The following ANK3 variants were observed in gnomAD, a reference collection of about 807,000 sequenced individuals.
The protein encoded by ANK3 is ankyrin-3.
In ANK3, 57 loss-of-function variants were observed where a neutral mutation model predicts 370.9. The ratio of observed to expected loss-of-function variants is 0.15; its 90% CI spans 0.12 to 0.19. ANK3 has a LOEUF of 0.19. ANK3 is among the 10% of genes least tolerant of loss of function. The pLI, the probability that ANK3 is intolerant of heterozygous loss-of-function variation, is 1.00. For missense variants in ANK3, 4,439 were observed against 5,302.1 expected (o/e 0.84, Z 5.06); for synonymous variants, 1,929 against 1,946.3 (o/e 0.99, Z 0.23).
intron 2 of ANK3, among the ~76,000 whole-genome samples, chr10:60,575,456 A>T (rs926681988): frequency 6.6e-6 from 1 of 152,216 alleles, no homozygotes; most frequent in African/African-American, 2.4e-5. Context: ...ATATTTCAAG[A>T]TGTCACATTG....
chr10:60,702,322 G>A (rs1461666814), intron 1 of ANK3, among the ~76,000 whole-genome samples: 1 of 151,796 alleles, frequency 6.6e-6, no homozygotes, highest in African/African-American at 2.4e-5. Context: ...GAGGGACTAT[G>A]CCAAATGACC....
chr10:60,378,938 G>A (rs923805337), intron 1 of ANK3, among the ~76,000 whole-genome samples: 2 of 151,820 alleles, frequency 1.3e-5, no homozygotes, highest in African/African-American at 4.8e-5. Context: ...CAGAATGGGA[G>A]AAAATATTTG....
Position 60,319,764 on chromosome 10 carries a change from T to TA in ANK3, c.115-40126dup, listed in dbSNP as rs374426746. Among the ~76,000 whole-genome samples, 891 of 152,022 alleles carry TA rather than the reference T, an allele frequency of 5.9e-3. 7 individuals carry two copies. Among genetic ancestry groups the TA allele is most frequent in the African/African-American group, 0.021 (852 of 41,466 alleles). On this transcript the variant is annotated intron_variant, in intron 1 of 43. Coordinates refer to ENST00000280772, the MANE Select transcript of ANK3 (RefSeq NM_020987.5). The stretch of plus-strand genomic sequence containing the variant: ...TTGGCCACAAAAATCTAACAAAATG[T>TA]AAAAAAAAGTTACAGTATATTGATT...
chr10:60,559,235 C>T (rs958960835), intron 2 of ANK3, among the ~76,000 whole-genome samples: 1 of 152,104 alleles, frequency 6.6e-6, no homozygotes, highest in East Asian at 1.9e-4. Context: ...ACACTGTACC[C>T]ATTGTATAGT....
chr10:60,200,427 C>T (rs886575709), intron 12 of ANK3, among the ~76,000 whole-genome samples, 200 bp from the exon 13 acceptor site: 10 of 152,310 alleles, frequency 6.6e-5, no homozygotes, highest in Admixed American at 6.5e-4. Flanking sequence ...GCATAAGCCT[C>T]GGGAGTCTTG....
At chr10:60,388,669 T>C (rs2062770972) in intron 1 of ANK3, among the ~76,000 whole-genome samples, 1 of 152,130 alleles carries the variant, frequency 6.6e-6, no homozygotes, top group African/African-American at 2.4e-5. Flanking sequence ...ATTTTCCCCC[T>C]GCCTTGGAAT....
intron 7 of ANK3, among the ~76,000 whole-genome samples, chr10:60,255,828 C>T (rs2097726668): frequency 6.6e-6 from 1 of 152,124 alleles, no homozygotes; most frequent in African/African-American, 2.4e-5. Flanking sequence ...AAGCTAGTTC[C>T]CCAGGTTAGT....
At chr10:60,367,101 T>C (rs1277466253) in intron 1 of ANK3, among the ~76,000 whole-genome samples, 2 of 152,204 alleles carry the variant, frequency 1.3e-5, no homozygotes, top group Non-Finnish European at 2.9e-5. Flanking sequence ...GAGGCAGAAA[T>C]ACCACAAACA....
At chr10:60,089,941 G>A (rs1412934079) in intron 28 of ANK3, among the ~76,000 whole-genome samples, 2 of 151,924 alleles carry the variant, frequency 1.3e-5, no homozygotes, top group Non-Finnish European at 2.9e-5. Flanking sequence ...TTACATAATA[G>A]GAAATCTATT....
At position 60,639,515 on chromosome 10, in the gene ANK3, T is replaced by C. The variant is rs566434011; in HGVS notation, c.58-24291A>G. ...TTACTTTTTAATGTAAAAATAACAATTACATATTATGGTGTTTATAACATG... is the reference window on the plus strand; with the variant it reads ...TTACTTTTTAATGTAAAAATAACAACTACATATTATGGTGTTTATAACATG... On this transcript the variant is annotated intron_variant, in intron 1 of 43. Coordinates refer to the ANK3 transcript ENST00000373827. Among the ~76,000 whole-genome samples, 44 of 151,716 alleles carry C rather than the reference T, an allele frequency of 2.9e-4. No individual in the cohort carries two copies. In the South Asian group the frequency reaches 8.7e-3, roughly 30 times the overall value.
At chr10:60,053,696 A>G in intron 42 of ANK3, 1 of 1,304,036 alleles carries the variant, frequency 7.7e-7, no homozygotes, top group Non-Finnish European at 1.0e-6. Context: ...GCAGGCAGTC[A>G]TCCGTGTAGG....
intron 25 of ANK3, among the ~76,000 whole-genome samples, chr10:60,126,687 CA>C (rs34822081): frequency 0.32 from 39,342 of 124,842 alleles, 5,701 homozygotes; most frequent in Non-Finnish European, 0.38. Flanking sequence ...GACTCCGTCT[CA>C]AAAAAAAAAA....
At chr10:60,348,171 C>T (rs1364741606) in intron 1 of ANK3, among the ~76,000 whole-genome samples, 2 of 152,028 alleles carry the variant, frequency 1.3e-5, no homozygotes, top group African/African-American at 4.8e-5. Flanking sequence ...AAGGAGGCTC[C>T]TCCATCTTGC....
At chr10:60,257,770 C>T (rs1038084006) in intron 7 of ANK3, among the ~76,000 whole-genome samples, 3 of 152,152 alleles carry the variant, frequency 2.0e-5, no homozygotes, top group Non-Finnish European at 4.4e-5. Context: ...CTGTAAACCA[C>T]CCGAAATCTT....
At chr10:60,130,499 C>T (rs2094001638) in intron 25 of ANK3, among the ~76,000 whole-genome samples, 1 of 152,170 alleles carries the variant, frequency 6.6e-6, no homozygotes. Flanking sequence ...TTAAATCTGA[C>T]AGTAAGTTAT....
chr10:60,135,381 G>T (rs1326943512), intron 24 of ANK3, among the ~76,000 whole-genome samples: 1 of 152,192 alleles, frequency 6.6e-6, no homozygotes, highest in African/African-American at 2.4e-5. Flanking sequence ...GATGTATGAG[G>T]CTTCCTATTC....
chr10:60,287,615 A>G (rs1032810793), intron 1 of ANK3, among the ~76,000 whole-genome samples: 1 of 152,232 alleles, frequency 6.6e-6, no homozygotes, highest in African/African-American at 2.4e-5. Flanking sequence ...TTTCTTAAGT[A>G]TTCAATCAAA....
At chr10:60,313,877 C>T (rs1005417794) in intron 1 of ANK3, among the ~76,000 whole-genome samples, 2 of 151,994 alleles carry the variant, frequency 1.3e-5, no homozygotes, top group Admixed American at 1.3e-4. Flanking sequence ...AAAAATAGCA[C>T]CTCCAGCCTG....
At chr10:60,258,843 T>C (rs2097769384) in intron 7 of ANK3, among the ~76,000 whole-genome samples, 1 of 152,190 alleles carries the variant, frequency 6.6e-6, no homozygotes, top group African/African-American at 2.4e-5. Context: ...AAAACAGAAA[T>C]TGCAGCCCCC....
Sources: gnomAD v4.1 joint callset for allele counts (sites outside exome capture counted in the v4.1 genomes callset) on GRCh38, gnomAD v4.1.1 for gene constraint, MANE v1.5 for transcripts, NCBI Gene and HGNC (gene_info 2026-07-23, HGNC 2026-07-21) for gene names.